VBP1: variants seen among roughly 807,000 people sequenced by gnomAD.
VBP1 encodes the protein VHL binding protein 1.
VBP1 carries 4 observed loss-of-function variants against 15.5 expected under a neutral mutation model. The ratio of observed to expected loss-of-function variants is 0.26; its 90% CI spans 0.13 to 0.59. The LOEUF (loss-of-function observed/expected upper bound fraction) is 0.59, where lower values mean the gene tolerates loss of function less well. VBP1 is among the 20% of genes least tolerant of loss of function. VBP1 has a pLI of 0.90. For missense variants in VBP1, 108 were observed against 139.6 expected, an observed-to-expected ratio of 0.77 and a Z score of 1.14; for synonymous variants, 61 against 52.1, an observed-to-expected ratio of 1.17 and a Z score of -0.74.
At chrX:155,208,303 C>CAA (rs1258536256) in intron 1 of VBP1, among the ~76,000 whole-genome samples, 1 of 112,298 alleles carries the variant, frequency 8.9e-6, no homozygotes, top group Non-Finnish European at 1.9e-5. Context: ...AAGAGTAAAA[C>CAA]AAACTAAAGA....
chrX:155,216,268 C>T, upstream of VBP1: 1 of 778,825 alleles, frequency 1.3e-6, no homozygotes, highest in East Asian at 3.7e-5. Flanking sequence ...TTTCGCGGCC[C>T]TTCCACGCTT....
intron 5 of VBP1, 98 bp downstream of exon 5, chrX:155,236,465 G>A: frequency 2.1e-6 from 2 of 957,606 alleles, no homozygotes; most frequent in South Asian, 4.8e-5. Context: ...AGGAAAAATA[G>A]CTGATGCATG....
At chrX:155,209,113 T>A in intron 2 of VBP1, 2 of 575,048 alleles carry the variant, frequency 3.5e-6, no homozygotes, top group Non-Finnish European at 2.7e-6. Flanking sequence ...GAAGAAAGCA[T>A]AGTTCTAACA....
At chrX:155,223,198 C>T (rs1159319187) in intron 2 of VBP1, among the ~76,000 whole-genome samples, 8 of 85,207 alleles carry the variant, frequency 9.4e-5, no homozygotes, top group East Asian at 3.6e-4. Flanking sequence ...CTATTTCTTT[C>T]TTTTTTTAAT....
intron 1 of VBP1, among the ~76,000 whole-genome samples, chrX:155,199,919 C>G (rs1557307182): frequency 9.1e-6 from 1 of 110,469 alleles, no homozygotes; most frequent in Admixed American, 9.7e-5. Flanking sequence ...GGAAGATCTA[C>G]CAAGCAAATG....
chrX:155,218,819 A>C (rs1158569703), intron 1 of VBP1, among the ~76,000 whole-genome samples: 3 of 112,101 alleles, frequency 2.7e-5, no homozygotes, highest in Non-Finnish European at 5.6e-5. Flanking sequence ...GAGAGGTTAA[A>C]TAACTTCCCT....
chrX:155,201,952 C>A (rs1459122685), intron 1 of VBP1, among the ~76,000 whole-genome samples: 18 of 111,609 alleles, frequency 1.6e-4, no homozygotes, highest in African/African-American at 5.9e-4. Flanking sequence ...CACAAGCATT[C>A]TTATACACCA....
chrX:155,198,103 C>T (rs1284887147), intron 1 of VBP1, among the ~76,000 whole-genome samples: 1 of 112,625 alleles, frequency 8.9e-6, no homozygotes, highest in African/African-American at 3.2e-5. Flanking sequence ...ACAAAGCAGC[C>T]AGGAAGCTCG....
At chrX:155,237,819 G>A (rs2074780957) in intron 5 of VBP1, among the ~76,000 whole-genome samples, 1 of 112,040 alleles carries the variant, frequency 8.9e-6, no homozygotes, top group African/African-American at 3.2e-5. Flanking sequence ...AACACATACT[G>A]CTTAGTTTTA....
chrX:155,238,990 A>G lies in VBP1; in HGVS notation c.*148A>G. The G allele has an allele frequency of 2.7e-6, 1 of 364,154 alleles. No individual in the cohort carries two copies. The highest frequency in any genetic ancestry group is 4.9e-5 in the East Asian group (1 of 20,306). 30.0% of individuals were successfully genotyped at this position (364,154 alleles called of 1,213,427 possible). On this transcript the variant is annotated 3_prime_UTR_variant, in exon 6 of 6. Coordinates refer to ENST00000286428, the MANE Select transcript of VBP1 (RefSeq NM_003372.7). ...CATTTTATTTATTTATAAAAACAAA[A>G]TTAGTTTCAAATATTTTTGACATTG... is the stretch of plus-strand genomic sequence containing the variant.
intron 1 of VBP1, among the ~76,000 whole-genome samples, chrX:155,217,667 T>A (rs1376851699): frequency 8.9e-6 from 1 of 112,821 alleles, no homozygotes; most frequent in Admixed American, 9.3e-5. Flanking sequence ...TCTACATTGA[T>A]CTATTATCTA....
chrX:155,237,970 C>T (rs111653789), intron 5 of VBP1, among the ~76,000 whole-genome samples: 10 of 111,071 alleles, frequency 9.0e-5, no homozygotes, highest in East Asian at 5.6e-4. Flanking sequence ...CATCATCTGA[C>T]GGGTAGTGTG....
intron 1 of VBP1, among the ~76,000 whole-genome samples, chrX:155,219,885 A>G (rs2074680855): frequency 9.1e-6 from 1 of 110,435 alleles, no homozygotes; most frequent in African/African-American, 3.3e-5. Flanking sequence ...ACACCAATAT[A>G]GTGCTCAAAG....
intron 4 of VBP1, among the ~76,000 whole-genome samples, chrX:155,234,007 G>C (rs1339736403): frequency 9.2e-6 from 1 of 108,932 alleles, no homozygotes; most frequent in Non-Finnish European, 1.9e-5. Context: ...GCATAAACTT[G>C]TGTGCAAAGG....
chrX:155,222,142 G>A, intron 2 of VBP1, among the ~76,000 whole-genome samples: 1 of 112,555 alleles, frequency 8.9e-6, no homozygotes, highest in Admixed American at 9.3e-5. Flanking sequence ...GAAAAATAAA[G>A]CCATTGGATT....
At chrX:155,226,920 C>T (rs782275053) in intron 2 of VBP1, among the ~76,000 whole-genome samples, 1 of 110,937 alleles carries the variant, frequency 9.0e-6, no homozygotes, top group Non-Finnish European at 1.9e-5. Flanking sequence ...TAGAACAGAG[C>T]TTTGTCTTCA....
intron 4 of VBP1, among the ~76,000 whole-genome samples, chrX:155,233,923 A>G (rs2074758372): frequency 9.0e-6 from 1 of 110,629 alleles, no homozygotes; most frequent in Non-Finnish European, 1.9e-5. Flanking sequence ...AACTGCATAA[A>G]GCAAAGTGTA....
chrX:155,229,538 T>G (rs186551805), intron 4 of VBP1, among the ~76,000 whole-genome samples: 6 of 112,412 alleles, frequency 5.3e-5, no homozygotes, highest in Non-Finnish European at 9.4e-5. Context: ...TGTTTTCAGT[T>G]ATTCGATGTG....
intron 1 of VBP1, among the ~76,000 whole-genome samples, chrX:155,201,195 G>T: frequency 9.1e-6 from 1 of 110,180 alleles, no homozygotes. Context: ...GGAGGAACTG[G>T]TACCATTCCT....
Sources: gnomAD v4.1 joint callset for allele counts (sites outside exome capture counted in the v4.1 genomes callset) on GRCh38, gnomAD v4.1.1 for gene constraint, MANE v1.5 for transcripts, NCBI Gene and HGNC (gene_info 2026-07-23, HGNC 2026-07-21) for gene names.